SDR16C5: variants seen among roughly 807,000 people sequenced by gnomAD.
SDR16C5 encodes short chain dehydrogenase/reductase family 16C member 5.
In SDR16C5, 20 loss-of-function variants were observed where a neutral mutation model predicts 27.7. The observed-to-expected ratio is 0.72, with a 90% confidence interval of 0.51 to 1.05. The LOEUF is 1.05. SDR16C5 is among the 50% of genes least tolerant of loss of function. The pLI is 0.00. For synonymous variants in SDR16C5, 139 were observed against 132.3 expected, an observed-to-expected ratio of 1.05 and a Z score of -0.35; for missense variants, 374 against 366.3, an observed-to-expected ratio of 1.02 and a Z score of -0.17.
chr8:56,301,416 T>C lies in SDR16C5; in HGVS notation c.*64A>G. On this transcript the variant is annotated 3_prime_UTR_variant, in exon 7 of 7. Transcript: ENST00000303749. ...TTCCACTGTCAGACAAAAATACTTT[T>C]CTTCATTGAAGTACGCATTATGTAA... is the stretch of plus-strand genomic sequence containing the variant. 8.8e-7 allele frequency: 1 copy of C among 1,132,828 alleles called. No homozygotes were observed. The highest frequency in any genetic ancestry group is 1.3e-6 in the Non-Finnish European group (1 of 744,208). The allele number at this position is 1,132,828 out of a possible 1,614,324, so 70.2% of individuals were successfully genotyped here.
At chr8:56,309,715 T>C (rs959524607) in intron 3 of SDR16C5, 2 of 326,472 alleles carry the variant, frequency 6.1e-6, no homozygotes, top group African/African-American at 2.2e-5. Flanking sequence ...AAACCTCACT[T>C]GTTTGCCTGC....
intron 4 of SDR16C5, among the ~76,000 whole-genome samples, chr8:56,308,320 G>T (rs1442328989): frequency 6.6e-6 from 1 of 152,164 alleles, no homozygotes; most frequent in Non-Finnish European, 1.5e-5. Context: ...GGTAGGTTAG[G>T]TCAAGATTTC....
rs141509977 is a variant in SDR16C5 at position 56,316,094 on chromosome 8, C to T, written c.254G>A (p.Arg85Gln). 90 of 1,613,966 alleles carry T rather than the reference C, an allele frequency of 5.6e-5. No homozygotes were observed. The highest frequency in any genetic ancestry group is 8.9e-5 in the East Asian group (4 of 44,882). The change falls in exon 2 of 7, where the codon CGG becomes CAG. Residue 85 changes from arginine (R) to glutamine (Q), a missense_variant. Transcript: ENST00000303749. Reference protein sequence around the residue: ...EGNEETCKMAREAGATRVHAY... With the variant: ...EGNEETCKMAQEAGATRVHAY... Reference sequence around the variant, plus strand: ...GTGCACTCTTGTGGCTCCAGCTTCCCGAGCCATCTTACATGTTTCCTCATT... The same window carrying T: ...GTGCACTCTTGTGGCTCCAGCTTCCTGAGCCATCTTACATGTTTCCTCATT...
At chr8:56,307,017 T>C (rs1267501026) in intron 4 of SDR16C5, among the ~76,000 whole-genome samples, 197 bp from the exon 5 acceptor site, 1 of 152,188 alleles carries the variant, frequency 6.6e-6, no homozygotes, top group Admixed American at 6.5e-5. Context: ...TCAGGGTCAG[T>C]TGACAATGAC....
intron 6 of SDR16C5, among the ~76,000 whole-genome samples, chr8:56,303,351 AC>A (rs1814808110): frequency 1.3e-5 from 2 of 151,704 alleles, no homozygotes; most frequent in Non-Finnish European, 2.9e-5. Flanking sequence ...GTAAAACTCA[AC>A]TTGCACCCAT....
Position 56,301,411 on chromosome 8 carries a change from AC to A in SDR16C5, c.*68del. Reference sequence around the variant, plus strand: ...ATATATTCCACTGTCAGACAAAAATACTTTTCTTCATTGAAGTACGCATTAT... The same window carrying A: ...ATATATTCCACTGTCAGACAAAAATATTTTCTTCATTGAAGTACGCATTAT... On this transcript the variant is annotated 3_prime_UTR_variant, in exon 7 of 7. Coordinates refer to ENST00000303749, the MANE Select transcript of SDR16C5 (RefSeq NM_138969.4). 1 of 1,072,204 alleles carries A rather than the reference AC, an allele frequency of 9.3e-7. No individual in the cohort carries two copies. The allele number at this position is 1,072,204 out of a possible 1,614,324, so 66.4% of individuals were successfully genotyped here.
chr8:56,308,917 G>GT lies in SDR16C5; in HGVS notation c.565+10dup. 2 of 1,596,242 alleles carry GT rather than the reference G, an allele frequency of 1.3e-6. No individual in the cohort carries two copies. The highest frequency in any genetic ancestry group is 1.3e-5 in the African/African-American group (1 of 74,386). On this transcript the variant is annotated intron_variant, in intron 4 of 6. Coordinates refer to ENST00000303749, the MANE Select transcript of SDR16C5 (RefSeq NM_138969.4). ...GAATTTTGCAATTGTAAATTGCTATGTTTTTCTTACCTGCCAGCCCATTTA... is the reference window on the plus strand; with the variant it reads ...GAATTTTGCAATTGTAAATTGCTATGTTTTTTCTTACCTGCCAGCCCATTTA...
chr8:56,315,891 C>T, intron 2 of SDR16C5, 124 bp downstream of exon 2: 1 of 690,440 alleles, frequency 1.4e-6, no homozygotes, highest in East Asian at 2.5e-5. Context: ...ATCCCAATTC[C>T]CATTCTCCCA....
chr8:56,304,104 C>T (rs1563438019), intron 6 of SDR16C5: 1 of 701,946 alleles, frequency 1.4e-6, no homozygotes, highest in Non-Finnish European at 2.6e-6. Flanking sequence ...TGATAGTATG[C>T]AAGAATGACA....
At chr8:56,303,871 G>A (rs1814818804) in intron 6 of SDR16C5, 1 of 680,650 alleles carries the variant, frequency 1.5e-6, no homozygotes, top group East Asian at 2.7e-5. Flanking sequence ...CCAATAAACA[G>A]TGCATTACAC....
intron 4 of SDR16C5, among the ~76,000 whole-genome samples, chr8:56,307,910 C>T (rs1220022850): frequency 6.1e-4 from 93 of 152,150 alleles, no homozygotes; most frequent in Non-Finnish European, 2.9e-5. Flanking sequence ...TATCTCAAGA[C>T]AGGAATGTTC....
chr8:56,312,297 A>C lies in SDR16C5; in HGVS notation c.334-9T>G, dbSNP rs1212607831. The C allele has an allele frequency of 1.2e-6, 2 of 1,612,138 alleles. No individual in the cohort carries two copies. The highest frequency in any genetic ancestry group is 8.5e-7 in the Non-Finnish European group (1 of 1,178,296). ...CCGACTTCTTTTTTAACCTGAATTG[A>C]ATAAGAGCAACACCACCAATGTAGT... On this transcript the variant is annotated splice_polypyrimidine_tract_variant and intron_variant, in intron 2 of 6. Transcript: ENST00000303749.
intron 3 of SDR16C5, 48 bp from the exon 4 acceptor site, chr8:56,309,075 A>C (rs1814959412): frequency 7.3e-7 from 1 of 1,376,658 alleles, no homozygotes; most frequent in Non-Finnish European, 1.0e-6. Context: ...ACATTGTATA[A>C]TTTTCTCAGA....
At chr8:56,317,009 T>C (rs896433836) in intron 1 of SDR16C5, among the ~76,000 whole-genome samples, 8 of 152,186 alleles carry the variant, frequency 5.3e-5, no homozygotes, top group African/African-American at 1.7e-4. Flanking sequence ...CCAACAGCTC[T>C]ATATCACTTA....
chr8:56,303,412 C>A (rs1373609593), intron 6 of SDR16C5, among the ~76,000 whole-genome samples: 1 of 149,378 alleles, frequency 6.7e-6, no homozygotes, highest in Non-Finnish European at 1.5e-5. Flanking sequence ...CTTTATATTT[C>A]TTCAGAGCAC....
At chr8:56,314,457 G>A (rs1467152327) in intron 2 of SDR16C5, among the ~76,000 whole-genome samples, 1 of 152,182 alleles carries the variant, frequency 6.6e-6, no homozygotes, top group African/African-American at 2.4e-5. Flanking sequence ...TATTTATAGA[G>A]TGCTTCATAC....
chr8:56,314,542 T>A (rs1311808746), intron 2 of SDR16C5, among the ~76,000 whole-genome samples: 1 of 152,208 alleles, frequency 6.6e-6, no homozygotes, highest in Non-Finnish European at 1.5e-5. Context: ...CCAGATAAAT[T>A]GTAGTCAGTG....
At position 56,310,309 on chromosome 8, in the gene SDR16C5, AAGGAGGAGGAGGAAGG is replaced by A. The variant is rs1563441454; in HGVS notation, c.466-1298_466-1283del. Among the ~76,000 whole-genome samples, 12 of 33,798 alleles carry A rather than the reference AAGGAGGAGGAGGAAGG, an allele frequency of 3.6e-4. 1 individual carries two copies. Among genetic ancestry groups the A allele is most frequent in the African/African-American group, 1.7e-3 (12 of 7,176 alleles). 22.2% of individuals were successfully genotyped at this position (33,798 alleles called of 152,430 possible). On this transcript the variant is annotated intron_variant, in intron 3 of 6. Transcript: ENST00000303749. ...AGGAGGAGGAAGGAGGAGGAGGAGG[AAGGAGGAGGAGGAAGG>A]AGGAGGAGGAGGAAGGAGGAAGAGG...
chr8:56,309,762 G>A (rs1365294800), intron 3 of SDR16C5, among the ~76,000 whole-genome samples: 2 of 152,282 alleles, frequency 1.3e-5, no homozygotes, highest in East Asian at 1.9e-4. Flanking sequence ...AACAGGTAGA[G>A]AGAGGTGGGA....
Sources: allele counts gnomAD v4.1 joint callset (sites outside exome capture counted in the v4.1 genomes callset), GRCh38; gene constraint gnomAD v4.1.1; transcripts MANE v1.5; gene names NCBI Gene and HGNC (gene_info 2026-07-23, HGNC 2026-07-21).